ELMO1: variants seen among roughly 807,000 people sequenced by gnomAD.
ELMO1 encodes engulfment and cell motility protein 1.
Under a neutral mutation model 98.9 loss-of-function variants are expected in ELMO1, and 26 were observed. That is an observed-to-expected ratio of 0.26 (90% CI 0.19 to 0.36). The LOEUF is 0.36. ELMO1 is among the 10% of genes least tolerant of loss of function. The pLI, the probability that ELMO1 is intolerant of heterozygous loss-of-function variation, is 1.00. For synonymous variants in ELMO1, 346 were observed against 346.0 expected, an observed-to-expected ratio of 1.00 and a Z score of 0.00; for missense variants, 627 against 935.2, an observed-to-expected ratio of 0.67 and a Z score of 4.30.
chr7:37,178,942 A>C (rs1031575057), intron 13 of ELMO1, among the ~76,000 whole-genome samples: 1 of 152,238 alleles, frequency 6.6e-6, no homozygotes, highest in Non-Finnish European at 1.5e-5. Flanking sequence ...TGAGGAAAGA[A>C]AAGGACATCA....
intron 1 of ELMO1, chr7:37,375,600 G>A (rs1268775004): frequency 3.6e-6 from 4 of 1,125,854 alleles, no homozygotes; most frequent in Non-Finnish European, 5.4e-6. Flanking sequence ...CAAGAAGGAT[G>A]TCCCCCATGC....
chr7:37,081,086 T>C (rs1300214539), intron 15 of ELMO1, among the ~76,000 whole-genome samples: 1 of 152,210 alleles, frequency 6.6e-6, no homozygotes, highest in Non-Finnish European at 1.5e-5. Flanking sequence ...GAATGGATAG[T>C]AGTCAGATTA....
At chr7:37,062,755 T>C (rs1796734103) in intron 15 of ELMO1, among the ~76,000 whole-genome samples, 1 of 152,118 alleles carries the variant, frequency 6.6e-6, no homozygotes, top group African/African-American at 2.4e-5. Context: ...TTAATCCCAC[T>C]TAGAACATGA....
At chr7:37,292,636 C>T (rs1371878749) in intron 4 of ELMO1, among the ~76,000 whole-genome samples, 1 of 117,020 alleles carries the variant, frequency 8.5e-6, no homozygotes, top group Non-Finnish European at 2.0e-5. Flanking sequence ...TCTGCCTGGA[C>T]GCCCCGTCTG....
In ELMO1 at chr7:36,879,274, G is replaced by A. The variant is rs747176790; in HGVS notation, c.1715-1157C>T. ...TCTGACACATAAAAGTTGCACAGTTGGCGTTGGCTAAGCTGATAAATGAAG... is the reference window on the plus strand; with the variant it reads ...TCTGACACATAAAAGTTGCACAGTTAGCGTTGGCTAAGCTGATAAATGAAG... On this transcript the variant is annotated intron_variant, in intron 18 of 21. Coordinates refer to ENST00000310758, the MANE Select transcript of ELMO1 (RefSeq NM_014800.11). Among the ~76,000 whole-genome samples the A allele has an allele frequency of 3.8e-4, 58 of 152,300 alleles. 2 individuals carry two copies. The Middle Eastern group carries it at 0.024, about 63-fold the overall frequency.
At chr7:36,966,992 G>C (rs1335408265) in intron 16 of ELMO1, among the ~76,000 whole-genome samples, 1 of 152,182 alleles carries the variant, frequency 6.6e-6, no homozygotes, top group African/African-American at 2.4e-5. Context: ...ACAGTGCCAA[G>C]GTATAACGTG....
At chr7:37,190,035 C>A in intron 13 of ELMO1, among the ~76,000 whole-genome samples, 2 of 57,464 alleles carry the variant, frequency 3.5e-5, no homozygotes, top group African/African-American at 5.7e-5. Flanking sequence ...TCGTTTTGTC[C>A]CTACCAAAAA....
At chr7:37,399,913 G>A (rs994344750) in intron 1 of ELMO1, among the ~76,000 whole-genome samples, 2 of 152,116 alleles carry the variant, frequency 1.3e-5, no homozygotes, top group Non-Finnish European at 2.9e-5. Context: ...AAATTATCTG[G>A]CACAAAAATG....
chr7:37,021,704 G>A (rs1291729504), intron 15 of ELMO1, among the ~76,000 whole-genome samples: 2 of 151,770 alleles, frequency 1.3e-5, no homozygotes, highest in African/African-American at 2.4e-5. Flanking sequence ...AAAAACCAAT[G>A]GTTTCTATCT....
intron 4 of ELMO1, among the ~76,000 whole-genome samples, chr7:37,274,853 G>A (rs1443661687): frequency 1.3e-5 from 2 of 152,140 alleles, no homozygotes. Flanking sequence ...ACCTGGCCCA[G>A]AAATAATCTT....
chr7:37,209,649 G>A (rs1273491588), intron 13 of ELMO1, among the ~76,000 whole-genome samples: 4 of 152,140 alleles, frequency 2.6e-5, no homozygotes, highest in East Asian at 1.9e-4. Flanking sequence ...AAGTGACCTC[G>A]ATATGTCTTG....
At chr7:37,341,196 C>T (rs1318136470) in intron 2 of ELMO1, among the ~76,000 whole-genome samples, 3 of 152,230 alleles carry the variant, frequency 2.0e-5, no homozygotes, top group African/African-American at 7.2e-5. Flanking sequence ...TGCAACAAGA[C>T]AGAGGGCCCC....
chr7:37,302,891 G>A (rs1168829839), intron 4 of ELMO1, among the ~76,000 whole-genome samples: 1 of 152,126 alleles, frequency 6.6e-6, no homozygotes, highest in East Asian at 1.9e-4. Flanking sequence ...GAAAGAATGG[G>A]CAACCTAGGG....
rs560206133 is a variant in ELMO1, at chr7:37,186,316, C to G, written c.1086+25070G>C. On this transcript the variant is annotated intron_variant, in intron 13 of 21. Transcript: ENST00000310758. ...CATACACAATTAACTCAAAATGGAT[C>G]AAAGAACTAAATATAAGGGTGAAAA... 2.6e-5 allele frequency among the ~76,000 whole-genome samples: 4 copies of G among 151,884 alleles called. No homozygotes were observed. In the East Asian group the frequency reaches 7.7e-4, roughly 29 times the overall value.
At chr7:36,997,922 A>G (rs1410728193) in intron 16 of ELMO1, 2 of 152,294 alleles carry the variant, frequency 1.3e-5, no homozygotes, top group Non-Finnish European at 2.9e-5. Context: ...TAAATGAAGC[A>G]ATTGCAGCAG....
intron 4 of ELMO1, among the ~76,000 whole-genome samples, chr7:37,294,352 A>G (rs2717984): frequency 1 from 150,374 of 150,638 alleles, 75,055 homozygotes; most frequent in Middle Eastern, 1. Context: ...GCGAGAAGCC[A>G]TTTAAAAAAA....
intron 1 of ELMO1, among the ~76,000 whole-genome samples, chr7:37,442,429 T>C (rs1248510480): frequency 6.6e-6 from 1 of 152,230 alleles, no homozygotes; most frequent in Non-Finnish European, 1.5e-5. Flanking sequence ...GTCAAGTATA[T>C]TCCCCTTCCA....
At chr7:37,317,809 A>G (rs1799272930) in intron 2 of ELMO1, among the ~76,000 whole-genome samples, 1 of 152,232 alleles carries the variant, frequency 6.6e-6, no homozygotes, top group Admixed American at 6.5e-5. Context: ...ACATTTTAAA[A>G]TAACTAAAAC....
intron 1 of ELMO1, among the ~76,000 whole-genome samples, chr7:37,352,615 CTAAA>C (rs1015414374): frequency 5.3e-5 from 8 of 152,164 alleles, no homozygotes; most frequent in African/African-American, 1.9e-4. Flanking sequence ...GAAAGAATCG[CTAAA>C]TAGTCTTGGC....
Sources: allele counts gnomAD v4.1 joint callset (sites outside exome capture counted in the v4.1 genomes callset), GRCh38; gene constraint gnomAD v4.1.1; transcripts MANE v1.5; gene names NCBI Gene and HGNC (gene_info 2026-07-23, HGNC 2026-07-21).